Variants in NAV1 observed in about 807,000 individuals in gnomAD.
The protein encoded by NAV1 is neuron navigator 1.
Under a neutral mutation model 175.2 loss-of-function variants are expected in NAV1, and 18 were observed. That is an observed-to-expected ratio of 0.10 (90% confidence interval 0.07 to 0.15). The LOEUF (loss-of-function observed/expected upper bound fraction) is 0.15, where lower values mean the gene tolerates loss of function less well. Ranked by LOEUF, NAV1 falls within the 10% of genes least tolerant of loss-of-function variation. The pLI is 1.00. For missense variants in NAV1, 1,731 were observed against 2,436.6 expected, an observed-to-expected ratio of 0.71 and a Z score of 6.10; for synonymous variants, 897 against 978.7, an observed-to-expected ratio of 0.92 and a Z score of 1.56.
At chr1:201,665,885 G>T (rs1669806483) in intron 1 of NAV1, among the ~76,000 whole-genome samples, 2 of 151,774 alleles carry the variant, frequency 1.3e-5, no homozygotes, top group East Asian at 3.9e-4. Context: ...CATTCCATCT[G>T]CCTCAAACTG....
At chr1:201,549,769 G>C (rs539481336) in intron 1 of NAV1, among the ~76,000 whole-genome samples, 2 of 149,756 alleles carry the variant, frequency 1.3e-5, no homozygotes, top group East Asian at 2.0e-4. Context: ...CCAGCACTTC[G>C]GGAGGCTGAA....
chr1:201,650,019 G>T (rs1171601071), intron 1 of NAV1, among the ~76,000 whole-genome samples: 1 of 152,212 alleles, frequency 6.6e-6, no homozygotes, highest in Non-Finnish European at 1.5e-5. Flanking sequence ...CCAGCTGTGC[G>T]CATCTGGGCG....
chr1:201,725,025 C>A (rs903499002), intron 3 of NAV1: 1 of 152,306 alleles, frequency 6.6e-6, no homozygotes, highest in African/African-American at 2.4e-5. Flanking sequence ...ACACTTCCAG[C>A]CTTGCTGACA....
intron 1 of NAV1, among the ~76,000 whole-genome samples, chr1:201,550,010 C>CAAAAAA (rs1186985996): frequency 1.7e-4 from 3 of 17,684 alleles, no homozygotes; most frequent in East Asian, 1.9e-3. Context: ...GACTCCATCT[C>CAAAAAA]AAAAAAAAAA....
intron 3 of NAV1, among the ~76,000 whole-genome samples, chr1:201,760,237 G>A (rs115214262): frequency 0.015 from 2,210 of 152,278 alleles, 46 homozygotes; most frequent in African/African-American, 0.047. Context: ...AGGCCCAGGC[G>A]GGTGGATCGC....
At chr1:201,688,897 G>C (rs962167591) in intron 1 of NAV1, among the ~76,000 whole-genome samples, 2 of 152,208 alleles carry the variant, frequency 1.3e-5, no homozygotes, top group Non-Finnish European at 2.9e-5. Context: ...CAGCAGCAGA[G>C]GCTGGGACCT....
At chr1:201,756,824 CTT>C (rs139167821) in intron 3 of NAV1, among the ~76,000 whole-genome samples, 21 of 40,164 alleles carry the variant, frequency 5.2e-4, no homozygotes, top group South Asian at 3.9e-3. Context: ...TTCTTTCTTT[CTT>C]TCTTTCTTTC....
At chr1:201,629,599 G>A in intron 2 of NAV1, 92 bp downstream of exon 4, 1 of 777,788 alleles carries the variant, frequency 1.3e-6, no homozygotes, top group Non-Finnish European at 1.8e-6. Context: ...AGGCTGGATG[G>A]GTCCATCTCT....
chr1:201,572,865 T>C (rs1407611709), intron 1 of NAV1, among the ~76,000 whole-genome samples: 2 of 152,160 alleles, frequency 1.3e-5, no homozygotes, highest in African/African-American at 2.4e-5. Context: ...GGTTTCCAGC[T>C]GTGCTCTTCT....
chr1:201,729,341 T>C (rs146673286), intron 3 of NAV1, among the ~76,000 whole-genome samples: 6 of 152,354 alleles, frequency 3.9e-5, no homozygotes, highest in East Asian at 3.9e-4. Context: ...TAGTGAAATA[T>C]AGTGTATGTA....
chr1:201,655,608 C>G (rs1473130126), intron 1 of NAV1, among the ~76,000 whole-genome samples: 23 of 152,222 alleles, frequency 1.5e-4, no homozygotes, highest in Admixed American at 1.2e-3. Context: ...CTTCAGGGTT[C>G]AGCTCCCCCT....
chr1:201,597,068 C>A (rs562754777), intron 2 of NAV1, among the ~76,000 whole-genome samples: 1 of 152,258 alleles, frequency 6.6e-6, no homozygotes, highest in Non-Finnish European at 1.5e-5. Flanking sequence ...TCAAGTGATC[C>A]TCCTGCCTCG....
At chr1:201,715,325 A>T (rs1672094692) in intron 2 of NAV1, among the ~76,000 whole-genome samples, 2 of 151,884 alleles carry the variant, frequency 1.3e-5, no homozygotes, top group African/African-American at 4.8e-5. Context: ...CACACCGGCT[A>T]ATTTTTGTAT....
chr1:201,788,710 C>T lies in NAV1; in HGVS notation c.3166+72C>T. The T allele has an allele frequency of 7.0e-7, 1 of 1,438,750 alleles. No individual in the cohort carries two copies. The highest frequency in any genetic ancestry group is 2.3e-5 in the East Asian group (1 of 43,618). 89.1% of individuals were successfully genotyped at this position (1,438,750 alleles called of 1,614,324 possible). A position where few individuals can be genotyped will look rare whatever the true frequency, so the allele number is the denominator to read the frequency against. On this transcript the variant is annotated intron_variant, in intron 10 of 29. Transcript: ENST00000367296. The surrounding 1 kb of genome is among the most constrained non-coding windows in gnomAD (Gnocchi z 5.7). ...GGTCCCCTCACCCACCACCTCCACT[C>T]CCACCACTCCTACCACCACACACAT...
rs111437461 is a variant in NAV1, at chr1:201,686,356, C to A, written c.758-26461C>A. On this transcript the variant is annotated intron_variant, in intron 1 of 29. Coordinates refer to ENST00000367296, the Ensembl canonical transcript of NAV1. The stretch of plus-strand genomic sequence containing the variant: ...CATGCTCTAACATTATCTCTCACAC[C>A]TTCCCCAGGTCCCCATCAAAACACC... Among the ~76,000 whole-genome samples, 1,001 of 152,192 alleles carry A rather than the reference C, an allele frequency of 6.6e-3. 10 individuals carry two copies. The highest frequency in any genetic ancestry group is 0.023 in the African/African-American group (956 of 41,502).
intron 29 of NAV1, among the ~76,000 whole-genome samples, chr1:201,818,734 T>C (rs1679216520): frequency 1.3e-5 from 2 of 152,194 alleles, no homozygotes; most frequent in Non-Finnish European, 1.5e-5. Context: ...GATAAAACCA[T>C]TTTGGAAGAT....
intron 1 of NAV1, among the ~76,000 whole-genome samples, chr1:201,707,187 G>A (rs1215337263): frequency 6.6e-6 from 1 of 152,144 alleles, no homozygotes; most frequent in Non-Finnish European, 1.5e-5. Flanking sequence ...GCAAGGTTCC[G>A]GAAGAGAATG....
intron 1 of NAV1, among the ~76,000 whole-genome samples, chr1:201,553,607 C>A (rs1665928238): frequency 6.6e-6 from 1 of 152,248 alleles, no homozygotes; most frequent in Admixed American, 6.5e-5. Context: ...ATGTGACCCA[C>A]ACCGGATCCA....
chr1:201,658,652 G>T (rs1669496328), intron 1 of NAV1, among the ~76,000 whole-genome samples: 1 of 152,178 alleles, frequency 6.6e-6, no homozygotes. Context: ...TAGGCTCTGA[G>T]CAGATATTTG....
Sources: allele counts gnomAD v4.1 joint callset (sites outside exome capture counted in the v4.1 genomes callset), GRCh38; gene constraint gnomAD v4.1.1; non-coding constraint Gnocchi (gnomAD v3.1); transcripts MANE v1.5; gene names NCBI Gene and HGNC (gene_info 2026-07-23, HGNC 2026-07-21).